The following DNAH9 variants were observed in gnomAD, a reference collection of about 807,000 sequenced individuals.
DNAH9 encodes the protein dynein axonemal heavy chain 9.
A neutral mutation model predicts 471.6 loss-of-function variants in DNAH9; 345 were observed. The ratio of observed to expected loss-of-function variants is 0.73; its 90% CI spans 0.67 to 0.80. The LOEUF (loss-of-function observed/expected upper bound fraction) is 0.80. DNAH9 is among the 30% of genes least tolerant of loss of function. The pLI, the probability that DNAH9 is intolerant of heterozygous loss-of-function variation, is 0.00. For synonymous variants in DNAH9, 2,093 were observed against 2,123.6 expected (o/e 0.99, Z 0.40); for missense variants, 5,407 against 5,609.2 (o/e 0.96, Z 1.15).
intron 40 of DNAH9, 72 bp from the exon 41 acceptor site, chr17:11,784,228 T>G: frequency 6.3e-7 from 1 of 1,592,668 alleles, no homozygotes; most frequent in South Asian, 1.1e-5. Flanking sequence ...TTCTGTTATC[T>G]CCAAATTCAG....
At chr17:11,818,323 G>C (rs1021850506) in intron 45 of DNAH9, among the ~76,000 whole-genome samples, 8 of 152,162 alleles carry the variant, frequency 5.3e-5, no homozygotes, top group Admixed American at 2.0e-4. Flanking sequence ...CAGCTACCTG[G>C]GAGGCTGATG....
chr17:11,833,724 G>A (rs974764439), intron 48 of DNAH9, among the ~76,000 whole-genome samples: 3 of 152,162 alleles, frequency 2.0e-5, no homozygotes, highest in African/African-American at 7.2e-5. Flanking sequence ...CTGGCTTCCT[G>A]GGCTGGTTAT....
At chr17:11,788,423 C>T (rs1351312846) in intron 41 of DNAH9, among the ~76,000 whole-genome samples, 1 of 152,196 alleles carries the variant, frequency 6.6e-6, no homozygotes, top group Admixed American at 6.5e-5. Context: ...ACAAAGGGAT[C>T]TCACCTATGT....
At chr17:11,736,897 C>T (rs1029978115) in intron 28 of DNAH9, among the ~76,000 whole-genome samples, 3 of 152,216 alleles carry the variant, frequency 2.0e-5, no homozygotes, top group Admixed American at 6.5e-5. Context: ...AACTTATAAA[C>T]GCTAATTAAA....
rs62062000 is a variant in DNAH9 at position 11,942,493 on chromosome 17, C to T, written c.12843+8C>T. The T allele has an allele frequency of 5.6e-6, 9 of 1,611,940 alleles. No individual in the cohort carries two copies. The highest frequency in any genetic ancestry group is 4.5e-5 in the East Asian group (2 of 44,860). On this transcript the variant is annotated splice_region_variant and intron_variant, in intron 67 of 68. Transcript: ENST00000262442. ...CTGGAGCTCGGCTTAAAGGTGAGCG[C>T]GGTCTTGTAAGGCATGGAGGGGACA...
At chr17:11,757,509 G>A in intron 34 of DNAH9, 36 bp from the exon 35 acceptor site, 1 of 1,573,800 alleles carries the variant, frequency 6.4e-7, no homozygotes, top group Non-Finnish European at 8.7e-7. Flanking sequence ...TGATGTATAT[G>A]GAATATTCAC....
At chr17:11,858,338 A>G (rs1026279081) in intron 50 of DNAH9, among the ~76,000 whole-genome samples, 4 of 152,218 alleles carry the variant, frequency 2.6e-5, no homozygotes, top group African/African-American at 9.6e-5. Context: ...TAGCAGCTCA[A>G]CTGTGTTCCA....
intron 43 of DNAH9, among the ~76,000 whole-genome samples, chr17:11,798,432 CAAAA>C (rs71142247): frequency 2.1e-4 from 13 of 61,592 alleles, no homozygotes; most frequent in Non-Finnish European, 3.0e-4. Context: ...GACTCTGCCT[CAAAA>C]AAAAAAAAAA....
chr17:11,769,070 C>G (rs1267504830), intron 37 of DNAH9, 52 bp from the exon 38 acceptor site: 2 of 1,593,026 alleles, frequency 1.3e-6, no homozygotes, highest in Non-Finnish European at 1.7e-6. Context: ...GCTGGTGCAT[C>G]TGTTTCTCCC....
chr17:11,639,886 C>A (rs2073237337), intron 9 of DNAH9, among the ~76,000 whole-genome samples: 1 of 152,106 alleles, frequency 6.6e-6, no homozygotes, highest in Non-Finnish European at 1.5e-5. Context: ...CCTGCAAATC[C>A]CAGCTACTCA....
intron 7 of DNAH9, chr17:11,630,517 G>A (rs1236574696): frequency 6.6e-6 from 1 of 152,226 alleles, no homozygotes. Context: ...TGGACACAGG[G>A]AGGGAAATAA....
chr17:11,946,009 G>C (rs925740285), intron 67 of DNAH9, among the ~76,000 whole-genome samples: 1 of 151,948 alleles, frequency 6.6e-6, no homozygotes, highest in Non-Finnish European at 1.5e-5. Context: ...GACAAGCCTG[G>C]CCAACATGGT....
chr17:11,883,234 C>T (rs1972784439), intron 55 of DNAH9: 11 of 1,017,728 alleles, frequency 1.1e-5, no homozygotes, highest in Middle Eastern at 4.9e-4. Context: ...CTCCAGAGAA[C>T]TAAAACTGGA....
At chr17:11,599,494 G>A (rs145317260) in intron 1 of DNAH9, among the ~76,000 whole-genome samples, 10 of 152,280 alleles carry the variant, frequency 6.6e-5, no homozygotes, top group African/African-American at 2.4e-4. Context: ...CAACCATTTA[G>A]CAAAGGTCAG....
At chr17:11,750,973 G>A (rs1444380816) in intron 32 of DNAH9, among the ~76,000 whole-genome samples, 1 of 152,086 alleles carries the variant, frequency 6.6e-6, no homozygotes, top group South Asian at 2.1e-4. Flanking sequence ...ATATTGGTTC[G>A]CTGTAAAGAC....
chr17:11,611,631 C>A lies in DNAH9; in HGVS notation c.774-19C>A. The A allele has an allele frequency of 1.2e-6, 2 of 1,611,782 alleles. No homozygotes were observed. The highest frequency in any genetic ancestry group is 1.7e-6 in the Non-Finnish European group (2 of 1,178,114). ...TTCCTGATGCTTCCCTGGATTCACC[C>A]TTCTTCATGATATTGCAGGTATGAA... On this transcript the variant is annotated intron_variant, in intron 3 of 68. Coordinates refer to ENST00000262442, the MANE Select transcript of DNAH9 (RefSeq NM_001372.4).
chr17:11,695,361 C>G (rs193230950), intron 22 of DNAH9, among the ~76,000 whole-genome samples: 1 of 152,150 alleles, frequency 6.6e-6, no homozygotes, highest in African/African-American at 2.4e-5. Context: ...CCAGGAAATA[C>G]TGGCCAAACT....
Position 11,654,355 on chromosome 17 carries a change from C to CAA in DNAH9, c.2595+1375_2595+1376dup, listed in dbSNP as rs527835262. 7.1e-4 allele frequency among the ~76,000 whole-genome samples: 8 copies of CAA among 11,256 alleles called. 1 individual carries two copies. Among genetic ancestry groups the CAA allele is most frequent in the Non-Finnish European group, 2.4e-3 (3 of 1,232 alleles). 7.4% of individuals were successfully genotyped at this position (11,256 alleles called of 152,430 possible). A position where few individuals can be genotyped will look rare whatever the true frequency, so the allele number is the denominator to read the frequency against. On this transcript the variant is annotated intron_variant, in intron 14 of 68. Coordinates refer to ENST00000262442, the MANE Select transcript of DNAH9 (RefSeq NM_001372.4). ...TGGGCCACAGAGCGAGACTCCGTCTCAAAAAAAAAAAAAAAAAAAAAAAGT... is the reference window on the plus strand; with the variant it reads ...TGGGCCACAGAGCGAGACTCCGTCTCAAAAAAAAAAAAAAAAAAAAAAAAAGT...
At chr17:11,665,670 T>G (rs1205568466) in intron 15 of DNAH9, among the ~76,000 whole-genome samples, 1 of 152,084 alleles carries the variant, frequency 6.6e-6, no homozygotes, top group Non-Finnish European at 1.5e-5. Flanking sequence ...GGACTAAAAG[T>G]CGAATTAAAC....
Sources: allele counts gnomAD v4.1 joint callset (sites outside exome capture counted in the v4.1 genomes callset), GRCh38; gene constraint gnomAD v4.1.1; transcripts MANE v1.5; gene names NCBI Gene and HGNC (gene_info 2026-07-23, HGNC 2026-07-21).